Variants in SCARB2 observed in about 807,000 individuals in gnomAD.
SCARB2 encodes scavenger receptor class B member 2.
Under a neutral mutation model 58.6 loss-of-function variants are expected in SCARB2, and 29 were observed. That is an observed-to-expected ratio of 0.49 (90% CI 0.37 to 0.67). The LOEUF (loss-of-function observed/expected upper bound fraction) is 0.67. SCARB2 is among the 30% of genes least tolerant of loss of function. The probability of loss-of-function intolerance (pLI) is 0.00; values close to 1 mark genes in which losing one functional copy is unlikely to be tolerated. For missense variants in SCARB2, 488 were observed against 578.5 expected (o/e 0.84, Z 1.60); for synonymous variants, 195 against 210.1 (o/e 0.93, Z 0.62).
intron 2 of SCARB2, among the ~76,000 whole-genome samples, chr4:76,188,275 C>G (rs1374611594): frequency 6.6e-6 from 1 of 152,182 alleles, no homozygotes; most frequent in Non-Finnish European, 1.5e-5. Context: ...GATCATGAGG[C>G]CAATGAGCCT....
chr4:76,161,781 G>C (rs775067380), intron 11 of SCARB2, 30 bp from the exon 12 acceptor site: 6 of 1,613,286 alleles, frequency 3.7e-6, no homozygotes, highest in Non-Finnish European at 5.1e-6. Flanking sequence ...AAACAAGTTA[G>C]ATGTTCATGT....
chr4:76,197,502 T>C (rs1180382924), intron 1 of SCARB2, among the ~76,000 whole-genome samples: 1 of 150,812 alleles, frequency 6.6e-6, no homozygotes. Flanking sequence ...CTCGTTCCAC[T>C]GAGCCAGCTG....
chr4:76,176,765 T>C (rs1578721301), intron 4 of SCARB2: 2 of 418,802 alleles, frequency 4.8e-6, no homozygotes. Context: ...AGAGGTTTCT[T>C]AGAGGAGGAA....
intron 1 of SCARB2, among the ~76,000 whole-genome samples, chr4:76,232,942 TCA>T (rs965128999): frequency 6.6e-6 from 1 of 152,212 alleles, no homozygotes; most frequent in African/African-American, 2.4e-5. Context: ...GTTAACATGG[TCA>T]CAGAGAACCT....
rs754341111 is a variant in SCARB2, at chr4:76,181,027, T to C, written c.350A>G (p.Tyr117Cys). The part of the protein sequence containing the change: ...TTISAVSNKA[Y>C]VFERDQSVGD... ...AACAGATTGGTCTCGTTCAAAAACATAGGCCTTGTTGCTAACAGCAGATAT... is the reference window on the plus strand; with the variant it reads ...AACAGATTGGTCTCGTTCAAAAACACAGGCCTTGTTGCTAACAGCAGATAT... Residue 117 changes from tyrosine (Y) to cysteine (C), a missense_variant, in exon 3 of 12, where the codon TAT (tyrosine) becomes TGT (cysteine). Coordinates refer to ENST00000264896, the MANE Select transcript of SCARB2 (RefSeq NM_005506.4). The C allele has an allele frequency of 9.9e-6, 16 of 1,613,688 alleles. No individual in the cohort carries two copies. Among genetic ancestry groups the C allele is most frequent in the Non-Finnish European group, 1.4e-5 (16 of 1,179,854 alleles).
intron 6 of SCARB2, chr4:76,175,550 T>G: frequency 1.9e-6 from 1 of 528,342 alleles, no homozygotes; most frequent in Admixed American, 3.2e-5. Context: ...ACAGAGTGGT[T>G]AAGTAATTTG....
Position 76,169,937 on chromosome 4 carries a change from C to T in SCARB2, c.1043G>A (p.Arg348Lys), listed in dbSNP as rs1435706864. ...SFPHFYQADE[R>K]FVSAIEGMHP... The stretch of plus-strand genomic sequence containing the variant: ...CATGCCTTCTATGGCAGAAACAAAC[C>T]TCTCATCTGCTTGGTAAAAGTGTGG... Residue 348 changes from arginine to lysine, a missense_variant, in exon 8 of 12, where the codon AGG becomes AAG. Transcript: ENST00000264896. 1.2e-6 allele frequency: 2 copies of T among 1,614,016 alleles called. No individual in the cohort carries two copies.
rs543348049 is a variant in SCARB2, at chr4:76,187,350, C to T, written c.276-6249G>A. On this transcript the variant is annotated intron_variant, in intron 2 of 11. Coordinates refer to ENST00000264896, the MANE Select transcript of SCARB2 (RefSeq NM_005506.4). ...ACAGAGTGCCATGAACACTCCAGAA[C>T]CCAGATAAGCAAATGGACAAAGGAC... 5.9e-5 allele frequency among the ~76,000 whole-genome samples: 9 copies of T among 152,222 alleles called. No homozygotes were observed. The South Asian group carries it at 1.9e-3, about 32-fold the overall frequency.
In SCARB2 at chr4:76,180,980, T is replaced by A; in HGVS notation, c.397A>T (p.Ile133Phe). 6.2e-7 allele frequency: 1 copy of A among 1,613,068 alleles called. No individual in the cohort carries two copies. The highest frequency in any genetic ancestry group is 8.5e-7 in the Non-Finnish European group (1 of 1,179,626). ...AATACAGGAATATTTAATGTTCTAA[T>A]TAAGTCAATTTTAGGGTCTCCAACA... ...QSVGDPKIDL[I>F]RTLNIPVLTV... Residue 133 changes from isoleucine (I) to phenylalanine (F), a missense_variant, in exon 3 of 12, where the codon ATT becomes TTT. Physicochemically the swap from Ile to Phe is conservative, Grantham distance 21. Transcript: ENST00000264896.
chr4:76,202,081 A>G lies in SCARB2; in HGVS notation c.118-6217T>C, dbSNP rs183196526. On this transcript the variant is annotated intron_variant, in intron 1 of 11. Transcript: ENST00000264896. ...ATAAAACATCACATTTATCTAAGGG[A>G]AAAATACCTAGATATTATGATAAAT... Among the ~76,000 whole-genome samples, 50 of 152,348 alleles carry G rather than the reference A, an allele frequency of 3.3e-4. 1 individual carries two copies. In the South Asian group the frequency reaches 9.7e-3, roughly 30 times the overall value.
At chr4:76,173,456 G>A (rs557798476) in intron 7 of SCARB2, 14 of 152,728 alleles carry the variant, frequency 9.2e-5, no homozygotes, top group African/African-American at 3.4e-4. Context: ...TCAGCCTCCT[G>A]AGCAGCTGTA....
intron 4 of SCARB2, chr4:76,179,202 C>T (rs1388606707): frequency 5.5e-6 from 2 of 363,026 alleles, no homozygotes; most frequent in South Asian, 2.3e-5. Context: ...TACAGGTGTA[C>T]ATCACCACAG....
In SCARB2 at chr4:76,181,717, A is replaced by G. The variant is rs139065308; in HGVS notation, c.276-616T>C. Among the ~76,000 whole-genome samples the G allele has an allele frequency of 9.3e-3, 1,410 of 152,166 alleles. 15 individuals are homozygous for G. The highest frequency in any genetic ancestry group is 0.013 in the Non-Finnish European group (874 of 67,998). On this transcript the variant is annotated intron_variant, in intron 2 of 11. Coordinates refer to ENST00000264896, the MANE Select transcript of SCARB2 (RefSeq NM_005506.4). ...GTAGCTAGAAGTACAGAAGCATGCCACCACACCCAGCTAATTGTTTTATTT... is the reference window on the plus strand; with the variant it reads ...GTAGCTAGAAGTACAGAAGCATGCCGCCACACCCAGCTAATTGTTTTATTT...
chr4:76,179,342 C>A (rs917020758), intron 4 of SCARB2, 175 bp downstream of exon 4: 1 of 609,870 alleles, frequency 1.6e-6, no homozygotes, highest in African/African-American at 1.9e-5. Context: ...GCATTAGCCA[C>A]CGCACCCGGC....
At chr4:76,163,047 C>G (rs979588686) in intron 11 of SCARB2, 178 bp downstream of exon 11, 4 of 734,622 alleles carry the variant, frequency 5.4e-6, no homozygotes, top group African/African-American at 5.2e-5. Flanking sequence ...CCTTCTTTGA[C>G]ACACTTCCTT....
chr4:76,216,292 A>C (rs1320423870), upstream of SCARB2, among the ~76,000 whole-genome samples: 1 of 152,126 alleles, frequency 6.6e-6, no homozygotes, highest in Admixed American at 6.5e-5. Context: ...CCTGTCATCT[A>C]TATGTCCTCT....
chr4:76,160,832 G>T lies in SCARB2; in HGVS notation c.*881C>A, dbSNP rs1311606578. On this transcript the variant is annotated 3_prime_UTR_variant, in exon 12 of 12. Coordinates refer to ENST00000264896, the MANE Select transcript of SCARB2 (RefSeq NM_005506.4). ...ATTAATTAATACAGTAACATATTTGGCAAGGGCGACTCAGGAAGAAAAATC... is the reference window on the plus strand; with the variant it reads ...ATTAATTAATACAGTAACATATTTGTCAAGGGCGACTCAGGAAGAAAAATC... The T allele has an allele frequency of 6.6e-6, 1 of 151,786 alleles. No individual in the cohort carries two copies. 9.4% of individuals were successfully genotyped at this position (151,786 alleles called of 1,614,324 possible).
intron 1 of SCARB2, among the ~76,000 whole-genome samples, chr4:76,210,292 C>G (rs1231322308): frequency 6.6e-6 from 1 of 152,162 alleles, no homozygotes; most frequent in Non-Finnish European, 1.5e-5. Context: ...GCTTGTTCAG[C>G]TTAGTCCAAG....
chr4:76,212,166 C>T (rs996588021), intron 1 of SCARB2, among the ~76,000 whole-genome samples: 2 of 152,188 alleles, frequency 1.3e-5, no homozygotes, highest in African/African-American at 4.8e-5. Context: ...TTTACATCCT[C>T]AAACACAGCT....
Sources: allele counts gnomAD v4.1 joint callset (sites outside exome capture counted in the v4.1 genomes callset), GRCh38; gene constraint gnomAD v4.1.1; transcripts MANE v1.5; gene names NCBI Gene and HGNC (gene_info 2026-07-23, HGNC 2026-07-21).